THOC2: variants seen among roughly 807,000 people sequenced by gnomAD.
THOC2 encodes the protein THO complex subunit 2, also known as THO complex 2.
THOC2 carries 10 observed loss-of-function variants against 128.4 expected under a neutral mutation model. That is an observed-to-expected ratio of 0.08 (90% CI 0.05 to 0.13). The LOEUF (loss-of-function observed/expected upper bound fraction) is 0.13. Ranked by LOEUF, THOC2 falls within the 10% of genes least tolerant of loss-of-function variation. The pLI, the probability that THOC2 is intolerant of heterozygous loss-of-function variation, is 1.00. For missense variants in THOC2, 535 were observed against 1,155.7 expected (o/e 0.46, Z 7.79); for synonymous variants, 393 against 396.9 (o/e 0.99, Z 0.12).
chrX:123,690,353 T>A lies in THOC2; in HGVS notation c.602-3639A>T, dbSNP rs749173964. ...TATATTAAAAGTCAAATTGTACACT[T>A]TAAATATAAGCATTCTACTATATGT... On this transcript the variant is annotated intron_variant, in intron 7 of 38. Coordinates refer to ENST00000245838, the MANE Select transcript of THOC2 (RefSeq NM_001081550.2). 2.7e-5 allele frequency among the ~76,000 whole-genome samples: 3 copies of A among 111,895 alleles called. No individual in the cohort carries two copies. The South Asian group carries it at 1.1e-3, about 42-fold the overall frequency.
chrX:123,622,929 T>G lies in THOC2; in HGVS notation c.3683-69A>C. The G allele has an allele frequency of 7.6e-6, 7 of 924,710 alleles. No homozygotes were observed. The South Asian group carries it at 1.4e-4, about 19-fold the overall frequency. 76.2% of individuals were successfully genotyped at this position (924,710 alleles called of 1,213,427 possible). On this transcript the variant is annotated intron_variant, in intron 29 of 38. Coordinates refer to ENST00000245838, the MANE Select transcript of THOC2 (RefSeq NM_001081550.2). Reference sequence around the variant, plus strand: ...AATAAGCTACAATTTCAGAGCAAAATGATTAGAGAATAATTAGAAAGAAAC... The same window carrying G: ...AATAAGCTACAATTTCAGAGCAAAAGGATTAGAGAATAATTAGAAAGAAAC...
intron 32 of THOC2, 40 bp downstream of exon 32, chrX:123,620,867 G>A: frequency 8.5e-7 from 1 of 1,171,640 alleles, no homozygotes; most frequent in Non-Finnish European, 1.2e-6. Flanking sequence ...CCAAACAGGT[G>A]AGCCTAACAT....
chrX:123,613,721 A>T lies in THOC2; in HGVS notation c.4450-13T>A. The T allele has an allele frequency of 8.3e-7, 1 of 1,202,229 alleles. No homozygotes were observed. The stretch of plus-strand genomic sequence containing the variant: ...TGTTTGAGTGATCCTAGAACCAAGA[A>T]TTGTGAACTACATTGACCAAGGGCT... On this transcript the variant is annotated splice_polypyrimidine_tract_variant and intron_variant, in intron 34 of 38. Transcript: ENST00000245838.
intron 33 of THOC2, 110 bp from the exon 34 acceptor site, chrX:123,614,299 G>A: frequency 3.3e-6 from 2 of 612,923 alleles, no homozygotes; most frequent in Non-Finnish European, 2.3e-6. Context: ...AGTAAAAACT[G>A]GTCAGCTATC....
In THOC2 at chrX:123,717,044, C is replaced by G. The variant is rs181697705; in HGVS notation, c.72-4136G>C. On this transcript the variant is annotated intron_variant, in intron 1 of 38. Transcript: ENST00000245838. ...TTTTCCTCTAAGATCAGGTACCTGC[C>G]CACTCTCTCCACTTCTATCCAACAG... 5.9e-3 allele frequency among the ~76,000 whole-genome samples: 663 copies of G among 111,742 alleles called. 3 individuals are homozygous for G. Among genetic ancestry groups the G allele is most frequent in the Non-Finnish European group, 9.5e-3 (506 of 53,158 alleles).
intron 38 of THOC2, chrX:123,602,450 T>A (rs922294581): frequency 4.1e-4 from 46 of 112,212 alleles, no homozygotes; most frequent in African/African-American, 1.3e-3. Context: ...CTTGAGAACA[T>A]GATGCTAAGT....
At chrX:123,656,330 TAAAA>T (rs758091588) in intron 12 of THOC2, among the ~76,000 whole-genome samples, 8 of 37,962 alleles carry the variant, frequency 2.1e-4, no homozygotes, top group South Asian at 1.4e-3. Context: ...AGACTCCGTC[TAAAA>T]AAAAAAAAAA....
At chrX:123,682,939 C>T (rs2049848291) in intron 8 of THOC2, among the ~76,000 whole-genome samples, 1 of 111,197 alleles carries the variant, frequency 9.0e-6, no homozygotes, top group Non-Finnish European at 1.9e-5. Flanking sequence ...TGTAACAAGA[C>T]AACTCCAGAC....
At chrX:123,725,227 T>C (rs1336836779) in intron 1 of THOC2, among the ~76,000 whole-genome samples, 3 of 111,406 alleles carry the variant, frequency 2.7e-5, no homozygotes, top group Non-Finnish European at 5.6e-5. Flanking sequence ...TACTTTCAAC[T>C]ACTTCCCTGG....
At chrX:123,711,679 A>G (rs751374844) in intron 2 of THOC2, among the ~76,000 whole-genome samples, 2 of 110,738 alleles carry the variant, frequency 1.8e-5, no homozygotes, top group East Asian at 5.7e-4. Flanking sequence ...GCTACTTGGG[A>G]AGCTGAGGCA....
At chrX:123,680,958 A>G (rs1334722024) in intron 8 of THOC2, among the ~76,000 whole-genome samples, 1 of 110,208 alleles carries the variant, frequency 9.1e-6, no homozygotes, top group Non-Finnish European at 1.9e-5. Context: ...CCACACACAC[A>G]CATGCATTCT....
At chrX:123,630,692 T>C (rs2047447365) in intron 22 of THOC2, among the ~76,000 whole-genome samples, 1 of 107,433 alleles carries the variant, frequency 9.3e-6, no homozygotes, top group African/African-American at 3.4e-5. Context: ...TGATAGTTTA[T>C]AGAGGGGACA....
Position 123,703,443 on chromosome X carries a change from T to G in THOC2, c.274+11A>C, listed in dbSNP as rs747445891. 1.9e-5 allele frequency: 21 copies of G among 1,132,614 alleles called. No individual in the cohort carries two copies. In the South Asian group the frequency reaches 4.0e-4, roughly 22 times the overall value. 93.3% of individuals were successfully genotyped at this position (1,132,614 alleles called of 1,213,427 possible). ...AGCACATTACAGGTGAAATAAAGGC[T>G]TAATACCTACCTAATATGCAGAATA... On this transcript the variant is annotated intron_variant, in intron 4 of 38. Transcript: ENST00000245838.
In THOC2 at chrX:123,703,509, A is replaced by G. The variant is rs1245620137; in HGVS notation, c.223-4T>C. ...AGGGCATATCCTCACGAAATTCCTAATTTTAAAAATATAATTACAATAAAT... is the reference window on the plus strand; with the variant it reads ...AGGGCATATCCTCACGAAATTCCTAGTTTTAAAAATATAATTACAATAAAT... On this transcript the variant is annotated splice_polypyrimidine_tract_variant and splice_region_variant and intron_variant, in intron 3 of 38. Coordinates refer to ENST00000245838, the MANE Select transcript of THOC2 (RefSeq NM_001081550.2). The G allele has an allele frequency of 1.8e-6, 2 of 1,125,375 alleles. No homozygotes were observed. The highest frequency in any genetic ancestry group is 2.4e-6 in the Non-Finnish European group (2 of 821,078). The allele number at this position is 1,125,375 out of a possible 1,213,427, so 92.7% of individuals were successfully genotyped here. A position where few individuals can be genotyped will look rare whatever the true frequency, so the allele number is the denominator to read the frequency against.
rs754022965 is a variant in THOC2 at position 123,611,559 on chromosome X, T to C, written c.4678-43A>G. 1.1e-5 allele frequency: 10 copies of C among 918,177 alleles called. No individual in the cohort carries two copies. The South Asian group carries it at 2.0e-4, about 18-fold the overall frequency. 75.7% of individuals were successfully genotyped at this position (918,177 alleles called of 1,213,427 possible). A position where few individuals can be genotyped will look rare whatever the true frequency, so the allele number is the denominator to read the frequency against. ...ATTAGCTGGGGAAGGGAAAGCCAAA[T>C]ATAAAAGCCAGCTCAAAACCCCTTT... is the stretch of plus-strand genomic sequence containing the variant. On this transcript the variant is annotated intron_variant, in intron 36 of 38. Coordinates refer to ENST00000245838, the MANE Select transcript of THOC2 (RefSeq NM_001081550.2).
At chrX:123,729,260 T>C (rs1351823559) in intron 1 of THOC2, among the ~76,000 whole-genome samples, 1 of 112,051 alleles carries the variant, frequency 8.9e-6, no homozygotes, top group Admixed American at 9.6e-5. Flanking sequence ...TTCTATAATT[T>C]AGCATTAAAA....
intron 1 of THOC2, among the ~76,000 whole-genome samples, chrX:123,731,589 T>G (rs905635365): frequency 6.2e-5 from 7 of 112,140 alleles, no homozygotes; most frequent in African/African-American, 2.3e-4. Context: ...CAACAATCCT[T>G]TGAGTAGAGT....
At chrX:123,698,139 AAC>A (rs753113383) in intron 4 of THOC2, among the ~76,000 whole-genome samples, 1 of 111,920 alleles carries the variant, frequency 8.9e-6, no homozygotes, top group East Asian at 2.8e-4. Flanking sequence ...ACAGGGTTAT[AAC>A]AAAGATTTCT....
chrX:123,645,226 T>C, intron 13 of THOC2, 108 bp downstream of exon 13: 3 of 555,044 alleles, frequency 5.4e-6, no homozygotes, highest in Non-Finnish European at 8.4e-6. Context: ...ATCTACATTA[T>C]AAAACAATTA....
Sources: gnomAD v4.1 joint callset for allele counts (sites outside exome capture counted in the v4.1 genomes callset) on GRCh38, gnomAD v4.1.1 for gene constraint, MANE v1.5 for transcripts, NCBI Gene and HGNC (gene_info 2026-07-23, HGNC 2026-07-21) for gene names.